ATM: variants seen among roughly 807,000 people sequenced by gnomAD.
The protein encoded by ATM is ATM serine/threonine kinase.
ATM carries 308 observed loss-of-function variants against 387.0 expected under a neutral mutation model. That is an observed-to-expected ratio of 0.80 (90% CI 0.73 to 0.87). The LOEUF is 0.87. Ranked by LOEUF, ATM falls within the 40% of genes least tolerant of loss-of-function variation. The probability of loss-of-function intolerance (pLI) is 0.00; values close to 1 mark genes in which losing one functional copy is unlikely to be tolerated. For missense variants in ATM, 3,312 were observed against 3,560.9 expected (o/e 0.93, Z 1.78); for synonymous variants, 1,156 against 1,187.3 (o/e 0.97, Z 0.54).
intron 1 of ATM, chr11:108,224,909 C>G (rs973444509): frequency 1.3e-5 from 2 of 152,132 alleles, no homozygotes; most frequent in African/African-American, 4.8e-5. Context: ...ATTTGTCTAG[C>G]TATAAGTAGT....
chr11:108,241,527 A>G (rs1295146674), intron 5 of ATM, among the ~76,000 whole-genome samples: 3 of 152,010 alleles, frequency 2.0e-5, no homozygotes, highest in African/African-American at 7.3e-5. Context: ...ATCACTAAGT[A>G]TTTAAATAGG....
chr11:108,236,558 CAA>C (rs2079289137), intron 5 of ATM: 1 of 148,456 alleles, frequency 6.7e-6, no homozygotes, highest in Admixed American at 6.7e-5. Context: ...AAAGTGAAAG[CAA>C]GAGAGTTGAA....
intron 16 of ATM, among the ~76,000 whole-genome samples, chr11:108,260,240 G>T (rs2080782755): frequency 6.6e-6 from 1 of 151,962 alleles, no homozygotes; most frequent in Non-Finnish European, 1.5e-5. Context: ...TCACCATGTT[G>T]GCCAGGCTGG....
At chr11:108,305,760 A>T (rs148924764) in intron 37 of ATM, among the ~76,000 whole-genome samples, 1 of 152,296 alleles carries the variant, frequency 6.6e-6, no homozygotes, top group African/African-American at 2.4e-5. Flanking sequence ...AATTCCACCA[A>T]GGGTTGGGTA....
At chr11:108,261,952 G>C (rs2080918046) in intron 16 of ATM, among the ~76,000 whole-genome samples, 1 of 152,096 alleles carries the variant, frequency 6.6e-6, no homozygotes, top group Admixed American at 6.5e-5. Context: ...AAAAAGAAAT[G>C]AGCAAAGCCT....
At chr11:108,289,999 A>G (rs1032642658) in intron 29 of ATM, 198 bp downstream of exon 29, 2 of 537,104 alleles carry the variant, frequency 3.7e-6, no homozygotes, top group Non-Finnish European at 6.6e-6. Flanking sequence ...CTGGGGCTAC[A>G]GGAGCATACC....
intron 61 of ATM, chr11:108,355,107 T>A: frequency 1.9e-6 from 1 of 530,610 alleles, no homozygotes. Context: ...TTGTAAGTAG[T>A]CTCTAGTTTT....
chr11:108,258,843 A>G (rs1461551619), intron 15 of ATM, 143 bp from the exon 16 acceptor site: 2 of 670,722 alleles, frequency 3.0e-6, no homozygotes, highest in East Asian at 2.7e-5. Flanking sequence ...CTAAGAAAAG[A>G]TGTGTTTTTG....
intron 56 of ATM, 167 bp downstream of exon 56, chr11:108,336,128 C>A: frequency 1.1e-5 from 6 of 535,984 alleles, no homozygotes; most frequent in African/African-American, 2.0e-5. Context: ...GAGACCCCAT[C>A]TTGACAAAAA....
At chr11:108,259,256 G>T (rs4987964) in intron 16 of ATM, among the ~76,000 whole-genome samples, 181 bp downstream of exon 16, 2 of 152,132 alleles carry the variant, frequency 1.3e-5, no homozygotes, top group African/African-American at 4.8e-5. Context: ...TTGGGAGGCC[G>T]AGGTGGGTGG....
chr11:108,263,150 A>G (rs1192119050), intron 16 of ATM, among the ~76,000 whole-genome samples: 2 of 149,024 alleles, frequency 1.3e-5, no homozygotes, highest in Non-Finnish European at 3.0e-5. Flanking sequence ...AGACATCTAC[A>G]GAACTCTCCA....
chr11:108,363,097 A>T (rs1591374005), intron 61 of ATM, among the ~76,000 whole-genome samples: 1 of 152,204 alleles, frequency 6.6e-6, no homozygotes. Context: ...TGATTGTTCC[A>T]ATCTTCAAGA....
intron 29 of ATM, 153 bp downstream of exon 29, chr11:108,289,954 T>C (rs2082695945): frequency 1.5e-6 from 1 of 663,658 alleles, no homozygotes; most frequent in Non-Finnish European, 2.6e-6. Context: ...ACCTCCTGGG[T>C]TCAGATTATC....
chr11:108,276,656 A>G (rs1472263019), intron 22 of ATM, among the ~76,000 whole-genome samples: 1 of 151,914 alleles, frequency 6.6e-6, no homozygotes, highest in Admixed American at 6.6e-5. Context: ...CTGGAGGTCC[A>G]CTCCAGACCC....
At chr11:108,357,639 T>C (rs530723017) in intron 61 of ATM, among the ~76,000 whole-genome samples, 71 of 152,198 alleles carry the variant, frequency 4.7e-4, no homozygotes, top group African/African-American at 1.7e-3. Flanking sequence ...TCCTGACCCC[T>C]GACCCCCGAG....
rs587780634 is a variant in ATM at position 108,317,517 on chromosome 11, G to C, written c.6343G>C (p.Val2115Leu). The C allele has an allele frequency of 1.1e-5, 17 of 1,600,882 alleles. No individual in the cohort carries two copies. The South Asian group carries it at 1.9e-4, about 18-fold the overall frequency. ...TATGCAGTGGGACCATTGCACTTCCGTCAGGTAAGAAATTTGACTTGATTT... is the reference window on the plus strand; with the variant it reads ...TATGCAGTGGGACCATTGCACTTCCCTCAGGTAAGAAATTTGACTTGATTT... Reference protein sequence around the residue: ...RNMQWDHCTSVSKEVEGTSYH... With the variant: ...RNMQWDHCTSLSKEVEGTSYH... The change falls in exon 43 of 63, where the codon GTC becomes CTC. Residue 2115 changes from valine (V) to leucine (L), a missense_variant. Val to Leu is a conservative substitution (Grantham distance 32). This residue lies in a region of ATM where 1,405 missense variants were observed against 1,604.4 expected (regional missense o/e 0.88). Coordinates refer to ENST00000675843, the MANE Select transcript of ATM (RefSeq NM_000051.4).
chr11:108,320,613 G>A (rs1274182784), intron 44 of ATM, among the ~76,000 whole-genome samples: 2 of 152,168 alleles, frequency 1.3e-5, no homozygotes, highest in Non-Finnish European at 2.9e-5. Context: ...AACTATGGAT[G>A]TGAAAAAAGG....
intron 1 of ATM, chr11:108,224,420 G>C (rs1198202753): frequency 2.0e-5 from 3 of 152,216 alleles, no homozygotes; most frequent in Admixed American, 6.5e-5. Context: ...TCAGAGGCTC[G>C]TAGGAAGTAG....
At position 108,365,709 on chromosome 11, in the gene ATM, T is replaced by C; in HGVS notation, c.*201T>C. On this transcript the variant is annotated 3_prime_UTR_variant, in exon 63 of 63. Transcript: ENST00000675843. ...TCTTAAGGAACATCTCTGCTTTCAC[T>C]CTTTAGAAATAATGGTCATTCGGGC... 1.4e-6 allele frequency: 1 copy of C among 698,700 alleles called. No individual in the cohort carries two copies. The highest frequency in any genetic ancestry group is 2.3e-6 in the Non-Finnish European group (1 of 432,928). The allele number at this position is 698,700 out of a possible 1,614,324, so 43.3% of individuals were successfully genotyped here.
Sources: gnomAD v4.1 joint callset for allele counts (sites outside exome capture counted in the v4.1 genomes callset) on GRCh38, gnomAD v4.1.1 for gene constraint, gnomAD v4.1.1 regional missense constraint, MANE v1.5 for transcripts, NCBI Gene and HGNC (gene_info 2026-07-23, HGNC 2026-07-21) for gene names.